Variants in CDH23 observed in about 807,000 individuals in gnomAD.
CDH23 encodes the protein cadherin related 23.
A neutral mutation model predicts 317.1 loss-of-function variants in CDH23; 189 were observed. The observed-to-expected ratio is 0.60, with a 90% confidence interval of 0.53 to 0.67. CDH23 has a LOEUF of 0.67. Among genes scored for constraint, CDH23 ranks in the 30% least tolerant of loss-of-function variants. The probability of loss-of-function intolerance (pLI) is 0.00; values close to 1 mark genes in which losing one functional copy is unlikely to be tolerated. For synonymous variants in CDH23, 1,839 were observed against 1,876.8 expected (o/e 0.98, Z 0.52); for missense variants, 4,401 against 4,592.4 (o/e 0.96, Z 1.20).
rs1167750009 is a variant in CDH23, at chr10:71,590,899, A to T, written c.832+12907A>T. ...AAAAAAAAAAAAACAAAAAAAAACA[A>T]AAAAAAACACCAGTCTCTTCTCTAG... is the stretch of plus-strand genomic sequence containing the variant. On this transcript the variant is annotated intron_variant, in intron 9 of 69. Coordinates refer to ENST00000224721, the MANE Select transcript of CDH23 (RefSeq NM_022124.6). Among the ~76,000 whole-genome samples, 11 of 144,156 alleles carry T rather than the reference A, an allele frequency of 7.6e-5. 1 individual carries two copies. The highest frequency in any genetic ancestry group is 2.3e-4 in the African/African-American group (9 of 39,762). The allele number at this position is 144,156 out of a possible 152,430, so 94.6% of individuals were successfully genotyped here. A position where few individuals can be genotyped will look rare whatever the true frequency, so the allele number is the denominator to read the frequency against.
intron 60 of CDH23, among the ~76,000 whole-genome samples, chr10:71,809,132 A>G (rs1841830419): frequency 7.1e-6 from 1 of 140,920 alleles, no homozygotes; most frequent in Non-Finnish European, 1.5e-5. Context: ...CCACCTGACC[A>G]TCTCTCTTCT....
In CDH23 at chr10:71,803,211, G is replaced by T. The variant is rs757587541; in HGVS notation, c.7663G>T (p.Ala2555Ser). 6.2e-7 allele frequency: 1 copy of T among 1,607,232 alleles called. No individual in the cohort carries two copies. The highest frequency in any genetic ancestry group is 1.3e-5 in the African/African-American group (1 of 74,740). ...TYSLEGPGVE[A>S]FHVDMDSGLV... ...TACTCTCCTGCTCCCACTGCCAGAG[G>T]CCTTCCATGTGGACATGGACTCGGG... The change falls in exon 55 of 70, where the codon GCC (alanine) becomes TCC (serine). Residue 2555 changes from alanine (A) to serine (S), a missense_variant and splice_region_variant. Physicochemically the swap from Ala to Ser is moderately conservative, Grantham distance 99. Transcript: ENST00000224721.
At chr10:71,783,639 C>T (rs1242363979) in intron 41 of CDH23, among the ~76,000 whole-genome samples, 3 of 152,178 alleles carry the variant, frequency 2.0e-5, no homozygotes, top group African/African-American at 7.2e-5. Flanking sequence ...ACAGGGCCAG[C>T]GGGGCTCTTC....
chr10:71,451,667 C>T (rs1169801987), intron 3 of CDH23, among the ~76,000 whole-genome samples: 5 of 152,172 alleles, frequency 3.3e-5, no homozygotes, highest in Admixed American at 1.3e-4. Flanking sequence ...TTGCTTTTTC[C>T]GGGGCCTGGC....
intron 6 of CDH23, among the ~76,000 whole-genome samples, chr10:71,513,790 A>C (rs551244457): frequency 4.9e-4 from 74 of 152,272 alleles, no homozygotes; most frequent in African/African-American, 1.8e-3. Context: ...ACATCCCATG[A>C]TCAGAGGATG....
At chr10:71,692,881 A>G (rs920221839) in intron 20 of CDH23, among the ~76,000 whole-genome samples, 1 of 152,248 alleles carries the variant, frequency 6.6e-6, no homozygotes, top group Non-Finnish European at 1.5e-5. Flanking sequence ...GTCCATTGGA[A>G]GAAAACAGTC....
At chr10:71,773,477 G>A (rs538222357) in intron 38 of CDH23, 22 of 1,555,406 alleles carry the variant, frequency 1.4e-5, no homozygotes, top group African/African-American at 5.4e-5. Flanking sequence ...CTGGTGCCGG[G>A]GAGCGGGCGG....
chr10:71,804,113 A>T (rs954807106), intron 55 of CDH23, among the ~76,000 whole-genome samples: 1 of 152,178 alleles, frequency 6.6e-6, no homozygotes, highest in African/African-American at 2.4e-5. Flanking sequence ...AACAGGACTA[A>T]TAAGTAAATA....
intron 9 of CDH23, among the ~76,000 whole-genome samples, chr10:71,598,436 G>T (rs576423720): frequency 1.3e-5 from 2 of 152,202 alleles, no homozygotes; most frequent in Admixed American, 1.3e-4. Context: ...CCTTTGCTCC[G>T]GGCCCTCTCC....
At chr10:71,676,200 C>G (rs574492251) in intron 15 of CDH23, among the ~76,000 whole-genome samples, 2 of 151,846 alleles carry the variant, frequency 1.3e-5, no homozygotes, top group East Asian at 3.9e-4. Flanking sequence ...AGCCACTGCA[C>G]CCGGCCCCCT....
chr10:71,601,988 G>C (rs1478324685), intron 9 of CDH23, among the ~76,000 whole-genome samples: 1 of 151,804 alleles, frequency 6.6e-6, no homozygotes, highest in African/African-American at 2.4e-5. Flanking sequence ...AGCCCCCAGG[G>C]GACCCCTCAA....
rs74145677 is a variant in CDH23, at chr10:71,800,819, C to T, written c.7482+64C>T. 0.016 allele frequency: 25,435 copies of T among 1,584,964 alleles called. 1,174 individuals are homozygous for T. Among genetic ancestry groups the T allele is most frequent in the African/African-American group, 0.16 (11,518 of 74,234 alleles). ...GGGGTTGTGGAGGCAACAAGCAAAG[C>T]CTCTAGCAAGTGGACTGCTGCAGAC... On this transcript the variant is annotated intron_variant, in intron 53 of 69. Coordinates refer to ENST00000224721, the MANE Select transcript of CDH23 (RefSeq NM_022124.6).
chr10:71,529,624 G>A (rs1029268053), intron 6 of CDH23, among the ~76,000 whole-genome samples: 6 of 152,030 alleles, frequency 3.9e-5, no homozygotes, highest in South Asian at 2.1e-4. Flanking sequence ...TCCTCCCTCC[G>A]TCACACACCC....
chr10:71,723,046 G>A (rs78151993), intron 28 of CDH23, among the ~76,000 whole-genome samples: 5,093 of 152,258 alleles, frequency 0.033, 135 homozygotes, highest in East Asian at 0.096. Flanking sequence ...CCCTCTGACC[G>A]TCTTGGCAGG....
At chr10:71,638,644 A>G (rs1241166099) in intron 11 of CDH23, among the ~76,000 whole-genome samples, 1 of 152,234 alleles carries the variant, frequency 6.6e-6, no homozygotes, top group African/African-American at 2.4e-5. Flanking sequence ...GTGGTTAAGT[A>G]GCGGAAATAT....
intron 1 of CDH23, among the ~76,000 whole-genome samples, chr10:71,419,398 G>T (rs904608333): frequency 2.0e-5 from 3 of 152,114 alleles, no homozygotes; most frequent in Admixed American, 2.0e-4. Context: ...TATGAGAAAG[G>T]CCCTGGAGGC....
chr10:71,659,935 C>CTTTTA (rs1564715563), intron 14 of CDH23, among the ~76,000 whole-genome samples: 3 of 136,094 alleles, frequency 2.2e-5, no homozygotes, highest in Admixed American at 7.2e-5. Context: ...TCAGCTGTTT[C>CTTTTA]TTTTCTTTTC....
At chr10:71,682,612 AG>A (rs779072789) in intron 18 of CDH23, 40 bp downstream of exon 18, 2 of 1,605,856 alleles carry the variant, frequency 1.2e-6, no homozygotes, top group East Asian at 4.5e-5. Flanking sequence ...TGCTAGTGTA[AG>A]GGATGGTGAG....
At chr10:71,666,063 A>G (rs952989869) in intron 14 of CDH23, among the ~76,000 whole-genome samples, 1 of 152,172 alleles carries the variant, frequency 6.6e-6, no homozygotes, top group Non-Finnish European at 1.5e-5. Context: ...GCCCAAGTCC[A>G]CAATGGAACA....
Sources: gnomAD v4.1 joint callset for allele counts (sites outside exome capture counted in the v4.1 genomes callset) on GRCh38, gnomAD v4.1.1 for gene constraint, MANE v1.5 for transcripts, NCBI Gene and HGNC (gene_info 2026-07-23, HGNC 2026-07-21) for gene names.